The following NRXN3 variants were observed in gnomAD, a reference collection of about 807,000 sequenced individuals.
NRXN3 encodes neurexin III.
NRXN3 carries 32 observed loss-of-function variants against 137.6 expected under a neutral mutation model. The observed-to-expected ratio is 0.23, with a 90% CI of 0.18 to 0.31. The LOEUF is 0.31. Ranked by LOEUF, NRXN3 falls within the 10% of genes least tolerant of loss-of-function variation. The pLI is 1.00. For synonymous variants in NRXN3, 798 were observed against 784.5 expected (o/e 1.02, Z -0.29); for missense variants, 1,574 against 2,062.5 (o/e 0.76, Z 4.59).
At chr14:78,409,628 G>C (rs17755949) in intron 4 of NRXN3, among the ~76,000 whole-genome samples, 43,889 of 152,166 alleles carry the variant, frequency 0.29, 7,833 homozygotes, top group Non-Finnish European at 0.38. Flanking sequence ...AAAGTGTTCA[G>C]TATAATTTGG....
At chr14:78,494,878 A>C (rs2095744904) in intron 4 of NRXN3, among the ~76,000 whole-genome samples, 1 of 135,944 alleles carries the variant, frequency 7.4e-6, no homozygotes, top group South Asian at 2.4e-4. Flanking sequence ...GATGCCTCAG[A>C]GTGAGGTGTG....
intron 6 of NRXN3, among the ~76,000 whole-genome samples, chr14:78,669,466 T>G (rs1402464409): frequency 2.6e-5 from 4 of 152,072 alleles, no homozygotes; most frequent in Non-Finnish European, 4.4e-5. Flanking sequence ...GGTTGGCTAT[T>G]TTATGGTTGT....
chr14:79,026,937 AACTATTATAATTT>A (rs1469139706), intron 15 of NRXN3, among the ~76,000 whole-genome samples: 50 of 130,382 alleles, frequency 3.8e-4, no homozygotes, highest in Non-Finnish European at 6.6e-4. Context: ...ATATATATAT[AACTATTATAATTT>A]TATATATATA....
chr14:79,710,399 C>CTGAT (rs1010683399), intron 19 of NRXN3, among the ~76,000 whole-genome samples: 1 of 152,110 alleles, frequency 6.6e-6, no homozygotes, highest in Admixed American at 6.6e-5. Context: ...ACCACAGTGT[C>CTGAT]TGATTCTCTC....
At chr14:78,320,153 T>A (rs1202749759) in intron 4 of NRXN3, among the ~76,000 whole-genome samples, 1 of 152,210 alleles carries the variant, frequency 6.6e-6, no homozygotes, top group Admixed American at 6.5e-5. Context: ...CAGTCTGCTC[T>A]GAGAAAGGTT....
chr14:79,211,036 C>T (rs933623962), intron 15 of NRXN3, among the ~76,000 whole-genome samples: 1 of 152,112 alleles, frequency 6.6e-6, no homozygotes, highest in Admixed American at 6.5e-5. Flanking sequence ...TCGCTACTCT[C>T]CTTCAAAATA....
intron 20 of NRXN3, among the ~76,000 whole-genome samples, chr14:79,858,661 T>A (rs1378736167): frequency 6.6e-6 from 1 of 152,106 alleles, no homozygotes; most frequent in Admixed American, 6.5e-5. Context: ...TCCTGCCTTG[T>A]CCTCTGAAGG....
At chr14:78,948,132 C>T (rs936303520) in intron 10 of NRXN3, among the ~76,000 whole-genome samples, 1 of 152,010 alleles carries the variant, frequency 6.6e-6, no homozygotes, top group African/African-American at 2.4e-5. Context: ...TGGAGTGGTC[C>T]CCAAAAGCAG....
chr14:79,442,967 C>T (rs562669506), intron 15 of NRXN3, among the ~76,000 whole-genome samples: 9 of 152,274 alleles, frequency 5.9e-5, no homozygotes, highest in South Asian at 2.1e-4. Flanking sequence ...AATGAGCCGG[C>T]GAGGCCAAAA....
intron 10 of NRXN3, among the ~76,000 whole-genome samples, chr14:78,821,267 G>C (rs1390630394): frequency 1.3e-5 from 2 of 152,076 alleles, no homozygotes; most frequent in African/African-American, 4.8e-5. Flanking sequence ...CCACAAGTGC[G>C]GGCAGGATAA....
At chr14:78,896,274 A>T (rs1490078701) in intron 10 of NRXN3, among the ~76,000 whole-genome samples, 1 of 151,910 alleles carries the variant, frequency 6.6e-6, no homozygotes, top group Non-Finnish European at 1.5e-5. Context: ...ACTAATATGA[A>T]ATTATATAAG....
At chr14:79,542,044 C>G (rs1387432724) in intron 16 of NRXN3, among the ~76,000 whole-genome samples, 1 of 152,172 alleles carries the variant, frequency 6.6e-6, no homozygotes, top group African/African-American at 2.4e-5. Flanking sequence ...GTAGCAATCA[C>G]TAGCCAAGAG....
intron 15 of NRXN3, among the ~76,000 whole-genome samples, chr14:79,188,545 C>A (rs779463308): frequency 6.6e-6 from 1 of 152,128 alleles, no homozygotes; most frequent in South Asian, 2.1e-4. Flanking sequence ...TTCCCTAAAA[C>A]AAAGCCAACA....
At chr14:79,637,729 CTTT>C (rs554654576) in intron 16 of NRXN3, among the ~76,000 whole-genome samples, 5 of 95,600 alleles carry the variant, frequency 5.2e-5, no homozygotes, top group Non-Finnish European at 2.0e-5. Flanking sequence ...TAGAAAAGTT[CTTT>C]TTTTTTTTTT....
chr14:79,427,253 C>A (rs1186457345), intron 15 of NRXN3, among the ~76,000 whole-genome samples: 1 of 152,128 alleles, frequency 6.6e-6, no homozygotes, highest in Non-Finnish European at 1.5e-5. Flanking sequence ...TCTAGTGTAC[C>A]AGATGAAAAG....
chr14:79,603,191 C>T (rs535724164), intron 16 of NRXN3, among the ~76,000 whole-genome samples: 2 of 151,832 alleles, frequency 1.3e-5, no homozygotes, highest in South Asian at 2.1e-4. Context: ...TTCTTTAAAA[C>T]AAAATGACAG....
At chr14:79,401,234 C>T (rs1008586291) in intron 15 of NRXN3, among the ~76,000 whole-genome samples, 3 of 152,202 alleles carry the variant, frequency 2.0e-5, no homozygotes, top group African/African-American at 7.2e-5. Flanking sequence ...GATCTAGGCT[C>T]TCACAAGCCT....
chr14:79,465,141 A>G (rs1026484528), intron 15 of NRXN3, among the ~76,000 whole-genome samples: 8 of 152,162 alleles, frequency 5.3e-5, no homozygotes, highest in African/African-American at 1.7e-4. Context: ...CAGTTTTCCA[A>G]ATAAAGAATA....
At chr14:78,186,655 C>T (rs931755572) in intron 1 of NRXN3, among the ~76,000 whole-genome samples, 1 of 152,182 alleles carries the variant, frequency 6.6e-6, no homozygotes, top group Non-Finnish European at 1.5e-5. Flanking sequence ...GACGTAGAAG[C>T]CTTTTTAATA....
Sources: allele counts gnomAD v4.1 joint callset (sites outside exome capture counted in the v4.1 genomes callset), GRCh38; gene constraint gnomAD v4.1.1; transcripts MANE v1.5; gene names NCBI Gene and HGNC (gene_info 2026-07-23, HGNC 2026-07-21).